CLASRP: variants seen among roughly 807,000 people sequenced by gnomAD.
The protein encoded by CLASRP is CLK4 associating serine/arginine rich protein.
In CLASRP, 52 loss-of-function variants were observed where a neutral mutation model predicts 99.9. The observed-to-expected ratio is 0.52, with a 90% CI of 0.42 to 0.66. The LOEUF (loss-of-function observed/expected upper bound fraction) is 0.66, where lower values mean the gene tolerates loss of function less well. CLASRP is among the 30% of genes least tolerant of loss of function. The pLI, the probability that CLASRP is intolerant of heterozygous loss-of-function variation, is 0.00. For missense variants in CLASRP, 848 were observed against 999.2 expected (o/e 0.85, Z 2.04); for synonymous variants, 379 against 373.0 (o/e 1.02, Z -0.18).
Position 45,069,848 on chromosome 19 carries a change from C to T in CLASRP, c.1875-174C>T, listed in dbSNP as rs1255675882. 2.9e-5 allele frequency: 17 copies of T among 581,162 alleles called. No individual in the cohort carries two copies. The Admixed American group carries it at 4.3e-4, about 15-fold the overall frequency. The allele number at this position is 581,162 out of a possible 1,614,324, so 36.0% of individuals were successfully genotyped here. ...GAAGGGGCTGGGATTCCAGTCAGCC[C>T]CGCCAGCTGGGGTCCCTCTGAACCT... On this transcript the variant is annotated intron_variant, in intron 18 of 20. Transcript: ENST00000221455.
At chr19:45,051,415 G>A (rs1182130446) in intron 2 of CLASRP, among the ~76,000 whole-genome samples, 8 of 151,986 alleles carry the variant, frequency 5.3e-5, no homozygotes, top group Non-Finnish European at 1.0e-4. Context: ...CCAGGTTCAA[G>A]CGATTCTCCT....
chr19:45,048,943 G>A (rs1033109753), intron 2 of CLASRP, among the ~76,000 whole-genome samples: 8 of 152,136 alleles, frequency 5.3e-5, no homozygotes, highest in Non-Finnish European at 1.2e-4. Context: ...CCGAGATCGC[G>A]CCATTGCACT....
chr19:45,053,431 G>A (rs547072304), intron 5 of CLASRP, among the ~76,000 whole-genome samples: 82 of 152,074 alleles, frequency 5.4e-4, no homozygotes, highest in African/African-American at 1.9e-3. Flanking sequence ...TCTGTGGTCC[G>A]TTTTTCTTTA....
chr19:45,059,243 C>T (rs1966886279), intron 7 of CLASRP, 25 bp from the exon 8 acceptor site: 1 of 1,595,586 alleles, frequency 6.3e-7, no homozygotes, highest in African/African-American at 1.3e-5. Context: ...GGCCGTGGCT[C>T]CTGACAGCCT....
intron 2 of CLASRP, among the ~76,000 whole-genome samples, chr19:45,043,411 CAAAA>C (rs34898629): frequency 9.8e-5 from 8 of 81,764 alleles, no homozygotes; most frequent in Admixed American, 1.6e-4. Context: ...GACTCCGTCC[CAAAA>C]AAAAAAAAAA....
chr19:45,039,774 A>T, intron 1 of CLASRP: 1 of 169,028 alleles, frequency 5.9e-6, no homozygotes, highest in Non-Finnish European at 1.3e-5. Context: ...CCAGACTCAT[A>T]CCCAACCCCA....
At chr19:45,052,648 G>A (rs1268853038) in intron 3 of CLASRP, 143 bp from the exon 4 acceptor site, 15 of 631,386 alleles carry the variant, frequency 2.4e-5, no homozygotes, top group Non-Finnish European at 3.1e-5. Flanking sequence ...GAGAGCTGGG[G>A]GTTGAGGTGA....
chr19:45,067,893 C>T lies in CLASRP; in HGVS notation c.1668-122C>T, dbSNP rs1458575008. 1 of 782,900 alleles carries T rather than the reference C, an allele frequency of 1.3e-6. No homozygotes were observed. Among genetic ancestry groups the T allele is most frequent in the African/African-American group, 1.7e-5 (1 of 58,836 alleles). 48.5% of individuals were successfully genotyped at this position (782,900 alleles called of 1,614,324 possible). A position where few individuals can be genotyped will look rare whatever the true frequency, so the allele number is the denominator to read the frequency against. ...GGTCTGAGAGGGACATGGTTGCACC[C>T]TGGGGCATCTGAGGCCCATGCCTTG... On this transcript the variant is annotated intron_variant, in intron 14 of 20. Transcript: ENST00000221455. The surrounding 1 kb of genome is among the most constrained non-coding windows in gnomAD (Gnocchi z 4.9).
chr19:45,049,385 C>T (rs781524705), intron 2 of CLASRP, among the ~76,000 whole-genome samples: 2 of 152,156 alleles, frequency 1.3e-5, no homozygotes, highest in African/African-American at 2.4e-5. Context: ...GGGAGGCAGG[C>T]GAGGTGCAGC....
intron 2 of CLASRP, among the ~76,000 whole-genome samples, chr19:45,045,631 G>A (rs1460383461): frequency 6.6e-6 from 1 of 152,074 alleles, no homozygotes; most frequent in Non-Finnish European, 1.5e-5. Context: ...CTTTATTTTG[G>A]GTCGCCCTGA....
rs1027454088 is a variant in CLASRP at position 45,060,652 on chromosome 19, C to T, written c.863+25C>T. On this transcript the variant is annotated intron_variant, in intron 10 of 20. Transcript: ENST00000221455. The surrounding 1 kb of genome is among the most constrained non-coding windows in gnomAD (Gnocchi z 4.6). ...GGTAGGGCTTCTCCCTGAACCCCCA[C>T]CCTGCTGGCATCTGGGGGAGGAGAG... is the stretch of plus-strand genomic sequence containing the variant. The T allele has an allele frequency of 2.7e-5, 42 of 1,535,746 alleles. No homozygotes were observed. The highest frequency in any genetic ancestry group is 3.5e-5 in the Non-Finnish European group (40 of 1,134,632).
chr19:45,065,771 C>G (rs1967073025), intron 13 of CLASRP, among the ~76,000 whole-genome samples: 1 of 152,138 alleles, frequency 6.6e-6, no homozygotes, highest in African/African-American at 2.4e-5. Context: ...TGTAGAGTCC[C>G]TGGGCCTCTA....
intron 2 of CLASRP, among the ~76,000 whole-genome samples, chr19:45,043,710 C>G (rs1971860412): frequency 6.6e-6 from 1 of 152,126 alleles, no homozygotes; most frequent in South Asian, 2.1e-4. Context: ...AGAGGAAGCT[C>G]TGAGAGCTCC....
In CLASRP at chr19:45,067,998, G is replaced by T. The variant is rs1967131832; in HGVS notation, c.1668-17G>T. 2.5e-6 allele frequency: 4 copies of T among 1,606,544 alleles called. No homozygotes were observed. The highest frequency in any genetic ancestry group is 1.7e-5 in the Admixed American group (1 of 59,984). Reference sequence around the variant, plus strand: ...TTCCCCCTCCCAACCATGTCCTCTGGCCCTGCCCCCACCCAGGACCGAACC... The same window carrying T: ...TTCCCCCTCCCAACCATGTCCTCTGTCCCTGCCCCCACCCAGGACCGAACC... On this transcript the variant is annotated splice_polypyrimidine_tract_variant and intron_variant, in intron 14 of 20. Coordinates refer to ENST00000221455, the MANE Select transcript of CLASRP (RefSeq NM_007056.3). This position sits in a 1 kb window ranked among gnomAD's most constrained non-coding sequence, Gnocchi z 4.9.
chr19:45,057,606 G>A, intron 6 of CLASRP, 144 bp from the exon 7 acceptor site: 1 of 859,060 alleles, frequency 1.2e-6, no homozygotes, highest in East Asian at 2.5e-5. Flanking sequence ...GGGAGGAGCT[G>A]GGTGTGGGCA....
At chr19:45,053,055 C>G (rs758720187) in intron 4 of CLASRP, 43 bp from the exon 5 acceptor site, 1 of 1,606,092 alleles carries the variant, frequency 6.2e-7, no homozygotes, top group East Asian at 2.2e-5. Flanking sequence ...GGGGGGGGAT[C>G]CACTCCTTCT....
intron 2 of CLASRP, among the ~76,000 whole-genome samples, chr19:45,045,233 A>G (rs1398576065): frequency 2.6e-5 from 4 of 152,190 alleles, no homozygotes; most frequent in Non-Finnish European, 5.9e-5. Flanking sequence ...GAAAGTTTCT[A>G]GGCCAGGTGC....
chr19:45,043,881 A>G (rs1347595011), intron 2 of CLASRP, among the ~76,000 whole-genome samples: 1 of 151,810 alleles, frequency 6.6e-6, no homozygotes, highest in Non-Finnish European at 1.5e-5. Context: ...AGGAATGAAT[A>G]GCTACCTTTT....
In CLASRP at chr19:45,052,789, A is replaced by G; in HGVS notation, c.198-2A>G. 1 of 1,610,340 alleles carries G rather than the reference A, an allele frequency of 6.2e-7. No homozygotes were observed. ...TGCTTTCTTGCTCCCCTCCCACTTCAGGATGCCCTGGCAGGGGGACACCAA... is the reference window on the plus strand; with the variant it reads ...TGCTTTCTTGCTCCCCTCCCACTTCGGGATGCCCTGGCAGGGGGACACCAA... On this transcript the variant is annotated splice_acceptor_variant, in intron 3 of 20. Coordinates refer to ENST00000221455, the MANE Select transcript of CLASRP (RefSeq NM_007056.3). LOFTEE classifies it high-confidence loss of function.
Sources: gnomAD v4.1 joint callset for allele counts (sites outside exome capture counted in the v4.1 genomes callset) on GRCh38, gnomAD v4.1.1 for gene constraint, Gnocchi (gnomAD v3.1) non-coding constraint, MANE v1.5 for transcripts, NCBI Gene and HGNC (gene_info 2026-07-23, HGNC 2026-07-21) for gene names.